ATG10: variants seen among roughly 807,000 people sequenced by gnomAD.
ATG10 encodes the protein ubiquitin-like-conjugating enzyme ATG10.
A neutral mutation model predicts 32.1 loss-of-function variants in ATG10; 30 were observed. The ratio of observed to expected loss-of-function variants is 0.94; its 90% CI spans 0.70 to 1.27. The LOEUF (loss-of-function observed/expected upper bound fraction) is 1.27, where lower values mean the gene tolerates loss of function less well. Among genes scored for constraint, ATG10 ranks in the 50% most tolerant of loss-of-function variants. The pLI, the probability that ATG10 is intolerant of heterozygous loss-of-function variation, is 0.00. For synonymous variants in ATG10, 87 were observed against 91.5 expected (o/e 0.95, Z 0.28); for missense variants, 233 against 262.3 (o/e 0.89, Z 0.77).
intron 2 of ATG10, among the ~76,000 whole-genome samples, chr5:82,030,586 C>A (rs935704493): frequency 6.6e-6 from 1 of 152,192 alleles, no homozygotes; most frequent in Admixed American, 6.5e-5. Context: ...TTCTGTCTTT[C>A]CTCATATGGC....
At chr5:81,984,672 T>G (rs1297201339) in intron 1 of ATG10, among the ~76,000 whole-genome samples, 3 of 152,212 alleles carry the variant, frequency 2.0e-5, no homozygotes, top group African/African-American at 7.2e-5. Flanking sequence ...TTAGCCATAT[T>G]TTCATCCATC....
chr5:81,999,205 A>G (rs1394147458), intron 2 of ATG10, among the ~76,000 whole-genome samples: 1 of 152,070 alleles, frequency 6.6e-6, no homozygotes, highest in Non-Finnish European at 1.5e-5. Context: ...AGACTACAGC[A>G]TAATAAAAAT....
intron 5 of ATG10, among the ~76,000 whole-genome samples, chr5:82,246,782 T>C (rs1211876214): frequency 2.0e-5 from 3 of 152,180 alleles, no homozygotes; most frequent in Non-Finnish European, 2.9e-5. Flanking sequence ...CCCTGTAGAT[T>C]TGAGTTACAC....
chr5:82,129,590 TAGTC>T (rs1270277569), intron 3 of ATG10, among the ~76,000 whole-genome samples: 3 of 152,144 alleles, frequency 2.0e-5, no homozygotes, highest in Non-Finnish European at 4.4e-5. Flanking sequence ...TTCCTTCTAA[TAGTC>T]AGGCCTCTCT....
At chr5:82,203,226 T>TA (rs879830876) in intron 5 of ATG10, among the ~76,000 whole-genome samples, 1,858 of 135,608 alleles carry the variant, frequency 0.014, 25 homozygotes, top group African/African-American at 0.046. Flanking sequence ...AGACTCCATC[T>TA]AAAAAAAAAA....
intron 5 of ATG10, among the ~76,000 whole-genome samples, chr5:82,246,489 C>T (rs1434260219): frequency 6.9e-6 from 1 of 145,440 alleles, no homozygotes; most frequent in Non-Finnish European, 1.5e-5. Flanking sequence ...GAGTTCAAGA[C>T]TAGTCTGGCA....
intron 3 of ATG10, among the ~76,000 whole-genome samples, chr5:82,082,773 T>C (rs1390384337): frequency 6.6e-6 from 1 of 152,188 alleles, no homozygotes; most frequent in Non-Finnish European, 1.5e-5. Flanking sequence ...AATAGAGATA[T>C]ATTTATAATT....
intron 2 of ATG10, among the ~76,000 whole-genome samples, chr5:82,055,734 A>G (rs1763572199): frequency 6.6e-6 from 1 of 152,228 alleles, no homozygotes; most frequent in African/African-American, 2.4e-5. Flanking sequence ...ATGCTATTAT[A>G]GTTTTACCGT....
rs1218564900 is a variant in ATG10 at position 82,254,262 on chromosome 5, A to AG, written c.*202dup. 6.6e-6 allele frequency: 1 copy of AG among 152,276 alleles called. No homozygotes were observed. 9.4% of individuals were successfully genotyped at this position (152,276 alleles called of 1,614,324 possible). On this transcript the variant is annotated 3_prime_UTR_variant, in exon 8 of 8. Transcript: ENST00000282185. ...TGAATGTTTAGAAGAAACACTTCAAAGGGATACATCATGGCCAGGCATGGT... is the reference window on the plus strand; with the variant it reads ...TGAATGTTTAGAAGAAACACTTCAAAGGGGATACATCATGGCCAGGCATGGT...
chr5:82,239,877 A>T (rs1338963927), intron 5 of ATG10, among the ~76,000 whole-genome samples: 2 of 152,216 alleles, frequency 1.3e-5, no homozygotes. Flanking sequence ...AGACATTTTT[A>T]AAAAGAAGAC....
At chr5:82,228,996 T>C (rs1363178473) in intron 5 of ATG10, among the ~76,000 whole-genome samples, 1 of 152,250 alleles carries the variant, frequency 6.6e-6, no homozygotes, top group Admixed American at 6.5e-5. Context: ...TTGACTTGTG[T>C]GGACTAACTT....
At chr5:82,099,484 T>C (rs1765185891) in intron 3 of ATG10, among the ~76,000 whole-genome samples, 8 of 151,998 alleles carry the variant, frequency 5.3e-5, no homozygotes. Flanking sequence ...TATAGACACA[T>C]AGAACTCTTA....
intron 2 of ATG10, among the ~76,000 whole-genome samples, chr5:81,990,735 G>T (rs1019117210): frequency 6.6e-6 from 1 of 152,148 alleles, no homozygotes; most frequent in African/African-American, 2.4e-5. Flanking sequence ...ACAATAAATG[G>T]GTCAGGCTTC....
At chr5:82,065,328 A>G (rs548120117) in intron 3 of ATG10, among the ~76,000 whole-genome samples, 2 of 152,208 alleles carry the variant, frequency 1.3e-5, no homozygotes, top group South Asian at 4.1e-4. Flanking sequence ...CTCTACTAAA[A>G]AAATACAAAA....
intron 5 of ATG10, among the ~76,000 whole-genome samples, chr5:82,230,125 C>CA (rs1248693895): frequency 6.6e-6 from 1 of 152,132 alleles, no homozygotes; most frequent in Non-Finnish European, 1.5e-5. Flanking sequence ...CAGCCTACAG[C>CA]CAAGTTGAAA....
chr5:82,195,568 A>G (rs2149953137), intron 5 of ATG10, among the ~76,000 whole-genome samples: 1 of 152,308 alleles, frequency 6.6e-6, no homozygotes, highest in East Asian at 1.9e-4. Flanking sequence ...GTTGGCAACC[A>G]CTAATTTAAC....
intron 1 of ATG10, among the ~76,000 whole-genome samples, chr5:81,981,969 C>T (rs1761060933): frequency 6.6e-6 from 1 of 152,188 alleles, no homozygotes; most frequent in Non-Finnish European, 1.5e-5. Flanking sequence ...TTCTTCTATC[C>T]TTCTAGTCTA....
At chr5:82,181,958 C>T (rs1377505949) in intron 5 of ATG10, among the ~76,000 whole-genome samples, 1 of 152,054 alleles carries the variant, frequency 6.6e-6, no homozygotes, top group African/African-American at 2.4e-5. Context: ...ATTATATCAA[C>T]CCTGTAGCCT....
intron 3 of ATG10, among the ~76,000 whole-genome samples, chr5:82,119,254 T>G (rs1765946204): frequency 6.6e-6 from 1 of 152,198 alleles, no homozygotes; most frequent in Non-Finnish European, 1.5e-5. Flanking sequence ...TTTCTACAGA[T>G]TTTTGTGGTC....
Sources: allele counts gnomAD v4.1 joint callset (sites outside exome capture counted in the v4.1 genomes callset), GRCh38; gene constraint gnomAD v4.1.1; transcripts MANE v1.5; gene names NCBI Gene and HGNC (gene_info 2026-07-23, HGNC 2026-07-21).